Variants in PTPRD observed in about 807,000 individuals in gnomAD.
The protein encoded by PTPRD is protein tyrosine phosphatase receptor type D.
PTPRD carries 34 observed loss-of-function variants against 214.5 expected under a neutral mutation model. That is an observed-to-expected ratio of 0.16 (90% CI 0.12 to 0.21). PTPRD has a LOEUF of 0.21. PTPRD is among the 10% of genes least tolerant of loss of function. PTPRD has a pLI of 1.00. For synonymous variants in PTPRD, 1,128 were observed against 845.7 expected, an observed-to-expected ratio of 1.33 and a Z score of -5.79; for missense variants, 2,545 against 2,398.7, an observed-to-expected ratio of 1.06 and a Z score of -1.27.
chr9:8,517,829 C>T lies in PTPRD; in HGVS notation c.1543+19G>A, dbSNP rs2138443908. 6.3e-7 allele frequency: 1 copy of T among 1,599,580 alleles called. No homozygotes were observed. ...CAGCCCTTCCCTCCTGCCCTATTTC[C>T]CTCCTCAACCAAACTTACCTCCTGT... On this transcript the variant is annotated intron_variant, in intron 21 of 45. Coordinates refer to ENST00000381196, the MANE Select transcript of PTPRD (RefSeq NM_002839.4).
chr9:10,405,921 T>A (rs900532958), intron 2 of PTPRD, among the ~76,000 whole-genome samples: 3 of 151,502 alleles, frequency 2.0e-5, no homozygotes, highest in Admixed American at 6.6e-5. Flanking sequence ...CCTCAAGTGT[T>A]GAGTTCTACA....
intron 7 of PTPRD, among the ~76,000 whole-genome samples, chr9:9,698,865 C>T (rs982443687): frequency 7.2e-5 from 11 of 152,176 alleles, no homozygotes; most frequent in African/African-American, 2.7e-4. Context: ...ACAACATAGC[C>T]TAACTCCTAG....
intron 12 of PTPRD, among the ~76,000 whole-genome samples, chr9:8,691,964 T>C (rs2097815049): frequency 6.6e-6 from 1 of 152,182 alleles, no homozygotes; most frequent in Non-Finnish European, 1.5e-5. Context: ...TATCATTCTA[T>C]TGCATACTCA....
At chr9:9,197,779 C>A (rs1488955178) in intron 9 of PTPRD, among the ~76,000 whole-genome samples, 4 of 152,180 alleles carry the variant, frequency 2.6e-5, no homozygotes, top group Admixed American at 6.5e-5. Context: ...ACACTCCTTT[C>A]ATGTTTCAGA....
At chr9:9,045,076 T>C (rs894346056) in intron 10 of PTPRD, among the ~76,000 whole-genome samples, 15 of 152,192 alleles carry the variant, frequency 9.9e-5, no homozygotes, top group Non-Finnish European at 7.4e-5. Flanking sequence ...AACATGATTG[T>C]CATTTCCAAC....
intron 9 of PTPRD, among the ~76,000 whole-genome samples, chr9:9,216,656 C>G (rs1312058897): frequency 3.3e-5 from 5 of 152,078 alleles, no homozygotes; most frequent in Admixed American, 3.3e-4. Context: ...AAGTCTTCAG[C>G]TTGGGTCTAG....
chr9:9,875,944 G>C (rs544936330), intron 5 of PTPRD, among the ~76,000 whole-genome samples: 119 of 152,240 alleles, frequency 7.8e-4, no homozygotes, highest in African/African-American at 2.8e-3. Context: ...TGGGATGAGA[G>C]AGACATATGA....
At chr9:9,826,661 C>T (rs2052971298) in intron 5 of PTPRD, among the ~76,000 whole-genome samples, 1 of 151,962 alleles carries the variant, frequency 6.6e-6, no homozygotes, top group Non-Finnish European at 1.5e-5. Flanking sequence ...TCTTATAAAA[C>T]TTTAAGCAAG....
chr9:8,361,066 C>T (rs1387274354), intron 39 of PTPRD, among the ~76,000 whole-genome samples: 3 of 152,060 alleles, frequency 2.0e-5, no homozygotes, highest in African/African-American at 7.2e-5. Context: ...TCTTATAACC[C>T]AGAATAGGTG....
At chr9:8,970,224 TATC>T (rs2099228647) in intron 11 of PTPRD, among the ~76,000 whole-genome samples, 1 of 152,014 alleles carries the variant, frequency 6.6e-6, no homozygotes, top group African/African-American at 2.4e-5. Flanking sequence ...GCTATGGGCT[TATC>T]AGCATAATTT....
rs1176394314 is a variant in PTPRD, at chr9:9,580,547, CTT to C, written c.-286-5768_-286-5767del. Among the ~76,000 whole-genome samples the C allele has an allele frequency of 5.8e-3, 714 of 123,048 alleles. 22 individuals carry two copies. The highest frequency in any genetic ancestry group is 7.6e-3 in the Non-Finnish European group (451 of 59,282). 80.7% of individuals were successfully genotyped at this position (123,048 alleles called of 152,430 possible). ...TCATGTCCTTAGCTTACTTTATTTT[CTT>C]TTTTTTTTTTTTTTTTTGAGACAGA... On this transcript the variant is annotated intron_variant, in intron 7 of 45. Coordinates refer to ENST00000381196, the MANE Select transcript of PTPRD (RefSeq NM_002839.4).
rs869246078 is a variant in PTPRD, at chr9:9,384,343, C to CTTTT, written c.-203+13102_-203+13105dup. Among the ~76,000 whole-genome samples, 261 of 33,322 alleles carry CTTTT rather than the reference C, an allele frequency of 7.8e-3. 82 individuals are homozygous for CTTTT. The highest frequency in any genetic ancestry group is 0.013 in the Non-Finnish European group (188 of 14,300). 21.9% of individuals were successfully genotyped at this position (33,322 alleles called of 152,430 possible). A position where few individuals can be genotyped will look rare whatever the true frequency, so the allele number is the denominator to read the frequency against. ...GATGATATTTGAGCAGAAGACTAGG[C>CTTTT]TTTTTTTTTTTTTTTTTTTTTTTTT... On this transcript the variant is annotated intron_variant, in intron 9 of 45. Coordinates refer to ENST00000381196, the MANE Select transcript of PTPRD (RefSeq NM_002839.4).
chr9:10,257,041 T>C (rs1409232154), intron 3 of PTPRD, among the ~76,000 whole-genome samples: 1 of 152,122 alleles, frequency 6.6e-6, no homozygotes, highest in Non-Finnish European at 1.5e-5. Flanking sequence ...TTAGAATCTG[T>C]TTCCTCCTCA....
intron 34 of PTPRD, among the ~76,000 whole-genome samples, chr9:8,441,463 T>C (rs1428575383): frequency 6.6e-6 from 1 of 152,004 alleles, no homozygotes; most frequent in East Asian, 1.9e-4. Context: ...TTTTCAATGT[T>C]GACTCAAAAT....
intron 2 of PTPRD, among the ~76,000 whole-genome samples, chr9:10,405,253 C>A (rs1587420641): frequency 6.6e-6 from 1 of 151,656 alleles, no homozygotes; most frequent in Non-Finnish European, 1.5e-5. Flanking sequence ...AATCTAAAGC[C>A]TTCGAAAGCT....
intron 30 of PTPRD, among the ~76,000 whole-genome samples, chr9:8,481,029 G>C (rs10977151): frequency 6.6e-6 from 1 of 150,644 alleles, no homozygotes; most frequent in Non-Finnish European, 1.5e-5. Context: ...AGTCACAGCC[G>C]CTCGAGAGGC....
chr9:8,887,281 AG>A (rs1203107669), intron 11 of PTPRD, among the ~76,000 whole-genome samples: 3 of 152,190 alleles, frequency 2.0e-5, no homozygotes, highest in Non-Finnish European at 4.4e-5. Flanking sequence ...GACTGGTTTA[AG>A]GCCACTGTCA....
chr9:9,254,615 A>T (rs1170392043), intron 9 of PTPRD, among the ~76,000 whole-genome samples: 4 of 152,078 alleles, frequency 2.6e-5, no homozygotes, highest in African/African-American at 9.7e-5. Context: ...AATCCCAAAG[A>T]TGAAGATGAT....
At position 9,535,505 on chromosome 9, in the gene PTPRD, CA is replaced by C. The variant is rs2076328403; in HGVS notation, c.-237+39226del. ...GCTCAGAACAGCACTGCTGTGTCACCAAAACTCTATCCCAGAGGGGAGGGAG... is the reference window on the plus strand; with the variant it reads ...GCTCAGAACAGCACTGCTGTGTCACCAAACTCTATCCCAGAGGGGAGGGAG... On this transcript the variant is annotated intron_variant, in intron 8 of 45. Coordinates refer to ENST00000381196, the MANE Select transcript of PTPRD (RefSeq NM_002839.4). Among the ~76,000 whole-genome samples, 13 of 152,168 alleles carry C rather than the reference CA, an allele frequency of 8.5e-5. No homozygotes were observed. In the South Asian group the frequency reaches 2.7e-3, roughly 32 times the overall value.
Sources: allele counts gnomAD v4.1 joint callset (sites outside exome capture counted in the v4.1 genomes callset), GRCh38; gene constraint gnomAD v4.1.1; transcripts MANE v1.5; gene names NCBI Gene and HGNC (gene_info 2026-07-23, HGNC 2026-07-21).